Variants in CLTB observed in about 807,000 individuals in gnomAD.
CLTB encodes clathrin, light chain (Lcb).
A neutral mutation model predicts 30.5 loss-of-function variants in CLTB; 10 were observed. That is an observed-to-expected ratio of 0.33 (90% CI 0.20 to 0.56). The LOEUF (loss-of-function observed/expected upper bound fraction) is 0.56, where lower values mean the gene tolerates loss of function less well. Among genes scored for constraint, CLTB ranks in the 20% least tolerant of loss-of-function variants. The pLI is 0.91. For synonymous variants in CLTB, 102 were observed against 120.3 expected (o/e 0.85, Z 1.00); for missense variants, 261 against 308.3 (o/e 0.85, Z 1.15).
At chr5:176,401,619 GC>G (rs1284550349) in intron 2 of CLTB, 1 of 418,644 alleles carries the variant, frequency 2.4e-6, no homozygotes, top group African/African-American at 2.0e-5. Context: ...CGAGACCTCA[GC>G]CTTTAGGTCT....
rs542676272 is a variant in CLTB, at chr5:176,394,584, A to G, written c.519-1639T>C. Among the ~76,000 whole-genome samples the G allele has an allele frequency of 2.0e-3, 305 of 149,924 alleles. 1 individual carries two copies. The highest frequency in any genetic ancestry group is 0.01 in the East Asian group (53 of 5,148). On this transcript the variant is annotated intron_variant, in intron 5 of 5. Coordinates refer to ENST00000310418, the MANE Select transcript of CLTB (RefSeq NM_007097.5). ...TGTAATCCCAGCACTTTGGGAGGCC[A>G]AGGTGGGCGGATCACGAGGTCAGAT...
In CLTB at chr5:176,396,487, G is replaced by A. The variant is rs776517011; in HGVS notation, c.510C>T (p.Ile170=). 24 of 1,613,554 alleles carry A rather than the reference G, an allele frequency of 1.5e-5. No individual in the cohort carries two copies. Among genetic ancestry groups the A allele is most frequent in the South Asian group, 6.6e-5 (6 of 91,052 alleles). The part of the protein sequence containing the change: ...AFYQQPDADI[I]GYVASEEAFV... ...GCAAAACAGACACGTACACGTAGCC[G>A]ATGATATCAGCATCTGGCTGCTGGT... is the stretch of plus-strand genomic sequence containing the variant. Residue 170 remains isoleucine (I), a synonymous_variant, in exon 5 of 6, where the codon ATC becomes ATT. Coordinates refer to ENST00000310418, the MANE Select transcript of CLTB (RefSeq NM_007097.5).
At chr5:176,413,458 C>T (rs1473992963) in intron 1 of CLTB, among the ~76,000 whole-genome samples, 1 of 152,228 alleles carries the variant, frequency 6.6e-6, no homozygotes, top group Non-Finnish European at 1.5e-5. Flanking sequence ...CCAGATCACC[C>T]AGGGCCACAG....
intron 2 of CLTB, 38 bp downstream of exon 2, chr5:176,410,219 G>T (rs1757356089): frequency 6.9e-6 from 11 of 1,594,030 alleles, no homozygotes; most frequent in Non-Finnish European, 9.5e-6. Flanking sequence ...GACCAGGGCT[G>T]TTGGTCCTTA....
chr5:176,409,406 CTTTTT>C (rs34831947), intron 2 of CLTB, among the ~76,000 whole-genome samples: 3 of 79,656 alleles, frequency 3.8e-5, no homozygotes, highest in African/African-American at 5.7e-5. Flanking sequence ...TCTGATTGCC[CTTTTT>C]TTTTTTTTTT....
At chr5:176,411,718 A>G (rs190606844) in intron 1 of CLTB, among the ~76,000 whole-genome samples, 8 of 152,276 alleles carry the variant, frequency 5.3e-5, no homozygotes, top group Admixed American at 5.2e-4. Context: ...TATTTGCCAG[A>G]TAAGTACATC....
At chr5:176,409,860 G>A (rs911420339) in intron 2 of CLTB, among the ~76,000 whole-genome samples, 1 of 152,148 alleles carries the variant, frequency 6.6e-6, no homozygotes, top group African/African-American at 2.4e-5. Context: ...ATTTCCTTTG[G>A]GAAAATTCTG....
chr5:176,397,125 G>T (rs750657477), intron 4 of CLTB, among the ~76,000 whole-genome samples: 3 of 152,094 alleles, frequency 2.0e-5, no homozygotes, highest in Non-Finnish European at 4.4e-5. Flanking sequence ...AGGACATAAG[G>T]CTGGGTCCTC....
intron 2 of CLTB, chr5:176,401,886 T>C: frequency 2.4e-6 from 1 of 408,828 alleles, no homozygotes. Context: ...AAACTCTCCC[T>C]CCTGCCCTCA....
intron 2 of CLTB, among the ~76,000 whole-genome samples, chr5:176,410,046 A>G (rs1581445717): frequency 6.6e-6 from 1 of 152,178 alleles, no homozygotes; most frequent in African/African-American, 2.4e-5. Context: ...GCTACTGCCC[A>G]TCAATCTCGA....
chr5:176,414,508 G>A (rs1300476531), intron 1 of CLTB, among the ~76,000 whole-genome samples: 12 of 147,676 alleles, frequency 8.1e-5, no homozygotes, highest in Non-Finnish European at 7.5e-5. Context: ...CACAGCACAC[G>A]GCGACCTACC....
rs778001488 is a variant in CLTB at position 176,416,180 on chromosome 5, C to T, written c.184G>A (p.Gly62Arg). 7.0e-6 allele frequency: 11 copies of T among 1,579,196 alleles called. No individual in the cohort carries two copies. The East Asian group carries it at 2.2e-4, about 31-fold the overall frequency. Residue 62 changes from glycine to arginine, a missense_variant, in exon 1 of 6, where the codon GGG becomes AGG. Coordinates refer to ENST00000310418, the MANE Select transcript of CLTB (RefSeq NM_007097.5). ...AAPAQPGPTS[G>R]AGSEDMGTTV... ...TCCAGGCCCCGCGCTGACTCACCCC[C>T]ACTCGTGGGGCCCGGCTGCGCGGGG...
At chr5:176,400,454 C>T (rs1479624950) in intron 2 of CLTB, among the ~76,000 whole-genome samples, 1 of 152,094 alleles carries the variant, frequency 6.6e-6, no homozygotes, top group Non-Finnish European at 1.5e-5. Flanking sequence ...TCCCTGACTC[C>T]CAGGCAGGGG....
chr5:176,409,280 T>C (rs1757297284), intron 2 of CLTB, among the ~76,000 whole-genome samples: 1 of 130,360 alleles, frequency 7.7e-6, no homozygotes, highest in Admixed American at 8.2e-5. Flanking sequence ...AGCCCAAACA[T>C]ATTTTTAAAA....
chr5:176,409,293 G>GAAA (rs34356476), intron 2 of CLTB, among the ~76,000 whole-genome samples: 2 of 103,052 alleles, frequency 1.9e-5, no homozygotes, highest in Admixed American at 1.1e-4. Flanking sequence ...TTTTAAAATT[G>GAAA]AAAAAAAAAA....
In CLTB at chr5:176,410,237, T is replaced by C; in HGVS notation, c.234+20A>G. ...CAGGGCTGTTGGTCCTTACCACTGC[T>C]GAGACAGAGCCTTGCTTACCTGAAA... is the stretch of plus-strand genomic sequence containing the variant. On this transcript the variant is annotated intron_variant, in intron 2 of 5. Transcript: ENST00000310418. 3 of 1,612,906 alleles carry C rather than the reference T, an allele frequency of 1.9e-6. No homozygotes were observed. The highest frequency in any genetic ancestry group is 2.5e-6 in the Non-Finnish European group (3 of 1,178,914).
At chr5:176,397,521 C>T (rs1204443357) in intron 4 of CLTB, 86 bp downstream of exon 4, 1 of 246,196 alleles carries the variant, frequency 4.1e-6, no homozygotes, top group Non-Finnish European at 7.4e-6. Context: ...GTCCCCATGG[C>T]CCCCTCATGT....
At chr5:176,396,053 T>C (rs1046824929) in intron 5 of CLTB, among the ~76,000 whole-genome samples, 4 of 152,124 alleles carry the variant, frequency 2.6e-5, no homozygotes, top group Admixed American at 1.3e-4. Flanking sequence ...GAGAATCGCT[T>C]GAACCCAGGA....
intron 2 of CLTB, among the ~76,000 whole-genome samples, chr5:176,403,025 G>A (rs893894437): frequency 1.4e-4 from 22 of 151,776 alleles, no homozygotes; most frequent in Non-Finnish European, 2.1e-4. Flanking sequence ...TTCAGGGCCC[G>A]CCATCTCCAT....
Sources: gnomAD v4.1 joint callset for allele counts (sites outside exome capture counted in the v4.1 genomes callset) on GRCh38, gnomAD v4.1.1 for gene constraint, MANE v1.5 for transcripts, NCBI Gene and HGNC (gene_info 2026-07-23, HGNC 2026-07-21) for gene names.